The following UBE3A variants were observed in gnomAD, a reference collection of about 807,000 sequenced individuals.
The protein encoded by UBE3A is ubiquitin protein ligase E3A.
A neutral mutation model predicts 83.4 loss-of-function variants in UBE3A; 6 were observed. That is an observed-to-expected ratio of 0.07 (90% CI 0.04 to 0.14). The LOEUF is 0.14. UBE3A is among the 10% of genes least tolerant of loss of function. The pLI is 1.00. For synonymous variants in UBE3A, 337 were observed against 355.4 expected, an observed-to-expected ratio of 0.95 and a Z score of 0.58; for missense variants, 456 against 1,036.1, an observed-to-expected ratio of 0.44 and a Z score of 7.69.
At chr15:25,382,433 A>G (rs1244056200) in intron 4 of UBE3A, among the ~76,000 whole-genome samples, 1 of 152,090 alleles carries the variant, frequency 6.6e-6, no homozygotes, top group Non-Finnish European at 1.5e-5. Context: ...AAATATTTAC[A>G]TAATTCATCT....
intron 3 of UBE3A, 134 bp from the exon 4 acceptor site, chr15:25,405,636 T>G: frequency 1.1e-6 from 1 of 943,024 alleles, no homozygotes; most frequent in Non-Finnish European, 1.7e-6. Context: ...ATTAAAGATG[T>G]CAACATGAAA....
chr15:25,408,635 T>TG (rs1441927149), intron 3 of UBE3A: 5 of 1,613,774 alleles, frequency 3.1e-6, no homozygotes, highest in Non-Finnish European at 3.4e-6. Context: ...ATAACACTGG[T>TG]GCAGCTTCTC....
chr15:25,405,166 T>G (rs1327779832), intron 4 of UBE3A, among the ~76,000 whole-genome samples: 1 of 143,018 alleles, frequency 7.0e-6, no homozygotes, highest in East Asian at 1.9e-4. Flanking sequence ...TTGAGACTGT[T>G]AAACTCAACT....
At chr15:25,351,934 CTGTAA>C (rs2076570072) in intron 11 of UBE3A, among the ~76,000 whole-genome samples, 1 of 152,120 alleles carries the variant, frequency 6.6e-6, no homozygotes, top group Non-Finnish European at 1.5e-5. Flanking sequence ...TGGCTCACGC[CTGTAA>C]TCCCAGCACT....
chr15:25,365,598 A>T (rs928648216), intron 6 of UBE3A, among the ~76,000 whole-genome samples: 1 of 151,624 alleles, frequency 6.6e-6, no homozygotes, highest in African/African-American at 2.4e-5. Context: ...ATACAAAAAA[A>T]TTAGCTGGGC....
intron 4 of UBE3A, among the ~76,000 whole-genome samples, chr15:25,388,448 A>C (rs149508889): frequency 5.3e-5 from 8 of 152,308 alleles, no homozygotes; most frequent in African/African-American, 1.9e-4. Flanking sequence ...GTAAACTAGG[A>C]ATAGAGGGAA....
rs2073969122 is a variant in UBE3A at position 25,336,521 on chromosome 15, T to G, written c.*2616A>C. The G allele has an allele frequency of 6.6e-6, 1 of 152,106 alleles. No individual in the cohort carries two copies. Among genetic ancestry groups the G allele is most frequent in the South Asian group, 2.1e-4 (1 of 4,824 alleles). The allele number at this position is 152,106 out of a possible 1,614,324, so 9.4% of individuals were successfully genotyped here. On this transcript the variant is annotated 3_prime_UTR_variant, in exon 13 of 13. Transcript: ENST00000648336. The stretch of plus-strand genomic sequence containing the variant: ...AGGGATGAGTAACATCGGCAAGTTC[T>G]GTTCGAAGCCTTTTTCAAGTTTCTT...
At chr15:25,426,044 T>A (rs1891228053) in intron 1 of UBE3A, among the ~76,000 whole-genome samples, 1 of 151,926 alleles carries the variant, frequency 6.6e-6, no homozygotes, top group Non-Finnish European at 1.5e-5. Flanking sequence ...TTTTTTTAAA[T>A]AAGGTATGTT....
rs185929461 is a variant in UBE3A, at chr15:25,362,021, T to C, written c.1609-1494A>G. 2.1e-3 allele frequency among the ~76,000 whole-genome samples: 320 copies of C among 152,316 alleles called. 2 individuals carry two copies. Among genetic ancestry groups the C allele is most frequent in the Non-Finnish European group, 3.5e-3 (236 of 68,016 alleles). The stretch of plus-strand genomic sequence containing the variant: ...TTGTCACCTGCAACTCATTAGTGGG[T>C]AGTCTAATCCATTTAGTGGTTTGCA... On this transcript the variant is annotated intron_variant, in intron 6 of 12. Transcript: ENST00000648336.
At chr15:25,426,174 G>T (rs985490898) in intron 1 of UBE3A, among the ~76,000 whole-genome samples, 2 of 152,100 alleles carry the variant, frequency 1.3e-5, no homozygotes, top group Non-Finnish European at 2.9e-5. Flanking sequence ...ACCAGCAATG[G>T]AAGAATCTCA....
At chr15:25,357,195 T>A (rs1489168523) in intron 7 of UBE3A, 2 of 218,220 alleles carry the variant, frequency 9.2e-6, no homozygotes, top group Non-Finnish European at 1.8e-5. Context: ...TCTAATTTTC[T>A]ACTAACACAT....
At chr15:25,437,606 C>T (rs1895495020) in intron 1 of UBE3A, among the ~76,000 whole-genome samples, 1 of 152,134 alleles carries the variant, frequency 6.6e-6, no homozygotes, top group African/African-American at 2.4e-5. Flanking sequence ...ACAGCACCCT[C>T]GCCACTTAAT....
At chr15:25,394,842 AG>A (rs2085197084) in intron 4 of UBE3A, among the ~76,000 whole-genome samples, 4 of 152,232 alleles carry the variant, frequency 2.6e-5, no homozygotes, top group Non-Finnish European at 5.9e-5. Context: ...TCTTTCATGT[AG>A]GAAGTAGTTA....
At chr15:25,397,862 C>T (rs546041674) in intron 4 of UBE3A, among the ~76,000 whole-genome samples, 102 of 152,092 alleles carry the variant, frequency 6.7e-4, no homozygotes, top group African/African-American at 2.4e-3. Flanking sequence ...TACTCTAGGC[C>T]CCCAAAATAT....
rs1162508714 is a variant in UBE3A, at chr15:25,377,076, T to C, written c.63-1313A>G. 2.0e-5 allele frequency among the ~76,000 whole-genome samples: 3 copies of C among 151,998 alleles called. No homozygotes were observed. The East Asian group carries it at 5.8e-4, about 29-fold the overall frequency. ...CAAAGAATCAAAATTATAAGAAAAA[T>C]AGTTCAGCTGATTTTCAAAACATTC... On this transcript the variant is annotated intron_variant, in intron 4 of 12. Coordinates refer to ENST00000648336, the MANE Select transcript of UBE3A (RefSeq NM_130839.5).
intron 6 of UBE3A, among the ~76,000 whole-genome samples, chr15:25,367,162 G>GGTATATTTACATATTTGTAAATATGT (rs2079253751): frequency 1.0e-5 from 1 of 96,896 alleles, no homozygotes; most frequent in Admixed American, 1.1e-4. Flanking sequence ...CACACAAATG[G>GGTATATTTACATATTTGTAAATATGT]GTATATTTAC....
chr15:25,354,108 A>G, intron 11 of UBE3A: 2 of 562,960 alleles, frequency 3.6e-6, no homozygotes, highest in South Asian at 4.1e-5. Flanking sequence ...GGAATACTAG[A>G]TAATCCATAC....
At chr15:25,379,535 C>T (rs2081808109) in intron 4 of UBE3A, among the ~76,000 whole-genome samples, 1 of 152,178 alleles carries the variant, frequency 6.6e-6, no homozygotes, top group African/African-American at 2.4e-5. Flanking sequence ...GTGGAATCAA[C>T]TATATTAAGC....
At chr15:25,408,544 G>A (rs913775021) in intron 3 of UBE3A, 14 of 1,564,068 alleles carry the variant, frequency 9.0e-6, no homozygotes, top group Admixed American at 1.7e-5. Context: ...GATTTGAATC[G>A]CAGAAAATAT....
Sources: allele counts gnomAD v4.1 joint callset (sites outside exome capture counted in the v4.1 genomes callset), GRCh38; gene constraint gnomAD v4.1.1; transcripts MANE v1.5; gene names NCBI Gene and HGNC (gene_info 2026-07-23, HGNC 2026-07-21).